The following YTHDF2 variants were observed in gnomAD, a reference collection of about 807,000 sequenced individuals.
The protein encoded by YTHDF2 is YTH domain-containing family protein 2.
A neutral mutation model predicts 50.4 loss-of-function variants in YTHDF2; 2 were observed. The observed-to-expected ratio is 0.04, with a 90% CI of 0.02 to 0.12. The LOEUF (loss-of-function observed/expected upper bound fraction) is 0.12, where lower values mean the gene tolerates loss of function less well. Among genes scored for constraint, YTHDF2 ranks in the 10% least tolerant of loss-of-function variants. The pLI, the probability that YTHDF2 is intolerant of heterozygous loss-of-function variation, is 1.00. For missense variants in YTHDF2, 483 were observed against 722.6 expected (o/e 0.67, Z 3.80); for synonymous variants, 217 against 255.6 (o/e 0.85, Z 1.44).
At chr1:28,741,246 C>T (rs914252806) in intron 3 of YTHDF2, among the ~76,000 whole-genome samples, 4 of 152,060 alleles carry the variant, frequency 2.6e-5, no homozygotes, top group Admixed American at 2.0e-4. Context: ...GATTTGCCCG[C>T]CTCAGCCTCC....
At chr1:28,749,738 C>T (rs537199696) in intron 4 of YTHDF2, among the ~76,000 whole-genome samples, 5 of 140,138 alleles carry the variant, frequency 3.6e-5, no homozygotes, top group African/African-American at 5.4e-5. Context: ...CCGTGGGAGA[C>T]AAAAATTAAT....
chr1:28,739,593 G>A (rs961838491), intron 3 of YTHDF2, among the ~76,000 whole-genome samples: 1 of 152,108 alleles, frequency 6.6e-6, no homozygotes, highest in Non-Finnish European at 1.5e-5. Flanking sequence ...GAGCCACCAT[G>A]CCCGGCTGAG....
chr1:28,754,509 G>A (rs1416145291), intron 4 of YTHDF2, among the ~76,000 whole-genome samples: 2 of 148,688 alleles, frequency 1.3e-5, no homozygotes, highest in African/African-American at 5.0e-5. Context: ...CAGCCTGGGC[G>A]AAAGAGCGAG....
chr1:28,742,854 G>C lies in YTHDF2; in HGVS notation c.584G>C (p.Gly195Ala), dbSNP rs1279622323. The change falls in exon 4 of 5, where the codon GGT becomes GCT. Residue 195 changes from glycine (G) to alanine (A), a missense_variant. Physicochemically the swap from Gly to Ala is moderately conservative, Grantham distance 60. Coordinates refer to ENST00000373812, the MANE Select transcript of YTHDF2 (RefSeq NM_016258.3). Reference protein sequence around the residue: ...IDQGMAALKLGSTEVASNVPK... With the variant: ...IDQGMAALKLASTEVASNVPK... ...CAAGGGATGGCAGCACTGAAGTTGG[G>C]TAGCACAGAAGTTGCAAGCAATGTT... 6.2e-7 allele frequency: 1 copy of C among 1,614,160 alleles called. No individual in the cohort carries two copies. Among genetic ancestry groups the C allele is most frequent in the East Asian group, 2.2e-5 (1 of 44,882 alleles).
chr1:28,760,274 TGTGTGTGTGTG>T (rs2088100169), intron 4 of YTHDF2, among the ~76,000 whole-genome samples: 1 of 4,248 alleles, frequency 2.4e-4, no homozygotes, highest in Admixed American at 2.6e-3. Context: ...TAGTAGGTTG[TGTGTGTGTGTG>T]TGTGTGTGTG....
intron 4 of YTHDF2, among the ~76,000 whole-genome samples, chr1:28,759,378 T>C (rs1272653022): frequency 1.3e-5 from 2 of 152,154 alleles, no homozygotes; most frequent in African/African-American, 2.4e-5. Flanking sequence ...ACATACCTAA[T>C]TGGGTTAATA....
intron 4 of YTHDF2, among the ~76,000 whole-genome samples, chr1:28,753,614 G>T (rs1433258659): frequency 6.6e-6 from 1 of 151,792 alleles, no homozygotes; most frequent in East Asian, 1.9e-4. Context: ...TATGTTTTCA[G>T]AATGAGAAGT....
At chr1:28,736,808 G>A (rs1446341541), upstream of YTHDF2, 2 of 362,594 alleles carry the variant, frequency 5.5e-6, no homozygotes, top group Non-Finnish European at 1.0e-5. Flanking sequence ...CCTTCCGCGT[G>A]GGTGAGTGAA....
chr1:28,768,217 T>G (rs1198513458), intron 4 of YTHDF2, among the ~76,000 whole-genome samples: 1 of 152,088 alleles, frequency 6.6e-6, no homozygotes, highest in East Asian at 1.9e-4. Flanking sequence ...AAAAAATTTT[T>G]TTTAAAATTC....
At chr1:28,740,083 G>A (rs2087753075) in intron 3 of YTHDF2, among the ~76,000 whole-genome samples, 1 of 152,170 alleles carries the variant, frequency 6.6e-6, no homozygotes, top group Non-Finnish European at 1.5e-5. Context: ...AACACTGAAA[G>A]TATAGAAACC....
chr1:28,750,681 A>G (rs1053762756), intron 4 of YTHDF2, among the ~76,000 whole-genome samples: 1 of 152,182 alleles, frequency 6.6e-6, no homozygotes, highest in African/African-American at 2.4e-5. Context: ...GACAGAAGGG[A>G]TTGGTGCATT....
intron 4 of YTHDF2, among the ~76,000 whole-genome samples, chr1:28,752,522 C>T (rs1427653409): frequency 1.3e-5 from 2 of 152,140 alleles, no homozygotes; most frequent in Non-Finnish European, 2.9e-5. Context: ...TCTCGAACCC[C>T]TGACCTTGTG....
At position 28,737,640 on chromosome 1, in the gene YTHDF2, C is replaced by T. The variant is rs948957072; in HGVS notation, c.28-18C>T. On this transcript the variant is annotated intron_variant, in intron 1 of 4. Transcript: ENST00000373812. ...CTTTGGACAACTTGCTGCTCGGCGA[C>T]GTTTCCTTCCCCTGCAGAGACCAAA... The T allele has an allele frequency of 6.2e-6, 10 of 1,613,742 alleles. No homozygotes were observed. The highest frequency in any genetic ancestry group is 6.8e-6 in the Non-Finnish European group (8 of 1,179,780).
At chr1:28,737,529 T>A (rs1478554894) in intron 1 of YTHDF2, 129 bp from the exon 2 acceptor site, 8 of 1,297,908 alleles carry the variant, frequency 6.2e-6, no homozygotes, top group Non-Finnish European at 8.6e-6. Flanking sequence ...TCTTCCTCAC[T>A]ACCATTCCTG....
intron 4 of YTHDF2, among the ~76,000 whole-genome samples, chr1:28,745,073 CAAATAT>C (rs1312622092): frequency 2.0e-5 from 3 of 152,028 alleles, no homozygotes; most frequent in Non-Finnish European, 4.4e-5. Context: ...TGATTAATCT[CAAATAT>C]AAAATAAAGT....
chr1:28,767,223 T>A (rs1182576463), intron 4 of YTHDF2, among the ~76,000 whole-genome samples: 1 of 152,114 alleles, frequency 6.6e-6, no homozygotes, highest in Non-Finnish European at 1.5e-5. Context: ...AGACTTAAAA[T>A]TGCACATTAT....
chr1:28,742,298 A>G (rs973452294), intron 3 of YTHDF2, 105 bp from the exon 4 acceptor site: 3 of 1,430,364 alleles, frequency 2.1e-6, no homozygotes, highest in Non-Finnish European at 1.9e-6. Flanking sequence ...TCCGGCCTGC[A>G]CACTCCTTTT....
intron 4 of YTHDF2, among the ~76,000 whole-genome samples, chr1:28,749,983 G>GTTTTTTTTTTTTTTTTTTTTTTTTTTTTT (rs1374878554): frequency 1.8e-5 from 1 of 55,258 alleles, no homozygotes; most frequent in African/African-American, 5.6e-5. Flanking sequence ...GAAAAAAAAG[G>GTTTTTTTTTTTTTTTTTTTTTTTTTTTTT]TTGTTTTTTT....
At chr1:28,738,767 T>G (rs1267043343) in intron 3 of YTHDF2, among the ~76,000 whole-genome samples, 2 of 152,182 alleles carry the variant, frequency 1.3e-5, no homozygotes, top group African/African-American at 4.8e-5. Context: ...TACCTGTATT[T>G]TTTCTCTGCC....
Sources: gnomAD v4.1 joint callset for allele counts (sites outside exome capture counted in the v4.1 genomes callset) on GRCh38, gnomAD v4.1.1 for gene constraint, MANE v1.5 for transcripts, NCBI Gene and HGNC (gene_info 2026-07-23, HGNC 2026-07-21) for gene names.